KANK1: variants seen among roughly 807,000 people sequenced by gnomAD.
KANK1 encodes KN motif and ankyrin repeat domain-containing protein 1.
In KANK1, 109 loss-of-function variants were observed where a neutral mutation model predicts 106.2. The ratio of observed to expected loss-of-function variants is 1.03; its 90% CI spans 0.88 to 1.20. KANK1 has a LOEUF of 1.20. Among genes scored for constraint, KANK1 ranks in the 50% most tolerant of loss-of-function variants. The probability of loss-of-function intolerance (pLI) is 0.00; values close to 1 mark genes in which losing one functional copy is unlikely to be tolerated. For synonymous variants in KANK1, 873 were observed against 652.2 expected, an observed-to-expected ratio of 1.34 and a Z score of -5.16; for missense variants, 2,399 against 1,710.7, an observed-to-expected ratio of 1.40 and a Z score of -7.10.
intron 1 of KANK1, among the ~76,000 whole-genome samples, chr9:531,181 A>G (rs1360768292): frequency 3.3e-5 from 5 of 152,080 alleles, no homozygotes; most frequent in Non-Finnish European, 5.9e-5. Context: ...GTTCATGCCT[A>G]TAATCCCAGG....
At chr9:693,854 T>A in intron 2 of KANK1, 2 of 964,506 alleles carry the variant, frequency 2.1e-6, no homozygotes, top group Non-Finnish European at 2.5e-6. Context: ...GTTGGTGAAA[T>A]ATAAACTCGA....
intron 1 of KANK1, among the ~76,000 whole-genome samples, chr9:617,714 C>T (rs530467690): frequency 4.6e-5 from 7 of 152,318 alleles, no homozygotes; most frequent in African/African-American, 1.7e-4. Flanking sequence ...CAGTCTGCAC[C>T]TCTCTTCCTC....
intron 1 of KANK1, among the ~76,000 whole-genome samples, chr9:508,349 C>T (rs1403982471): frequency 6.6e-6 from 1 of 152,068 alleles, no homozygotes. Context: ...GTTGGTCAGG[C>T]TGGTCTCGAA....
intron 1 of KANK1, among the ~76,000 whole-genome samples, chr9:624,246 G>C (rs763575821): frequency 6.6e-6 from 1 of 152,156 alleles, no homozygotes; most frequent in African/African-American, 2.4e-5. Context: ...ACGGTGAGAT[G>C]CTGGTCAAAG....
At chr9:725,674 A>G (rs2131513187) in intron 3 of KANK1, among the ~76,000 whole-genome samples, 1 of 152,272 alleles carries the variant, frequency 6.6e-6, no homozygotes, top group South Asian at 2.1e-4. Context: ...CCCCCATCCC[A>G]GAACTGCAGA....
At chr9:481,295 C>CA (rs145031920) in intron 3 of KANK1, among the ~76,000 whole-genome samples, 43,390 of 150,448 alleles carry the variant, frequency 0.29, 6,781 homozygotes, top group East Asian at 0.52. Context: ...CAAAACAAAA[C>CA]AAAAAAAAAC....
intron 1 of KANK1, among the ~76,000 whole-genome samples, chr9:583,357 C>T (rs1822645877): frequency 6.6e-6 from 1 of 152,102 alleles, no homozygotes; most frequent in African/African-American, 2.4e-5. Flanking sequence ...CTTATTAAGT[C>T]CTCAGTAAGT....
intron 2 of KANK1, among the ~76,000 whole-genome samples, chr9:699,601 G>A (rs904434662): frequency 6.6e-6 from 1 of 152,276 alleles, no homozygotes. Context: ...AGGAGTACAC[G>A]AAGCAAGACC....
chr9:482,581 A>C (rs1269245820), intron 3 of KANK1, among the ~76,000 whole-genome samples: 1 of 152,196 alleles, frequency 6.6e-6, no homozygotes, highest in Non-Finnish European at 1.5e-5. Flanking sequence ...ACGGGCATGG[A>C]TTCAAACCCA....
intron 2 of KANK1, chr9:706,813 G>A (rs1016894333): frequency 6.1e-6 from 6 of 985,404 alleles, no homozygotes; most frequent in Middle Eastern, 5.2e-4. Context: ...GGCTGATTGT[G>A]CCTCTGCACC....
chr9:741,003 C>G, intron 9 of KANK1, 69 bp downstream of exon 9: 1 of 1,557,430 alleles, frequency 6.4e-7, no homozygotes, highest in South Asian at 1.2e-5. Context: ...GGTGGCCATT[C>G]TGGCAGAGCA....
In KANK1 at chr9:730,230, A is replaced by T. The variant is rs1456630054; in HGVS notation, c.2878A>T (p.Ile960Phe). 1 of 1,614,190 alleles carries T rather than the reference A, an allele frequency of 6.2e-7. No individual in the cohort carries two copies. Among genetic ancestry groups the T allele is most frequent in the Admixed American group, 1.7e-5 (1 of 60,024 alleles). Reference protein sequence around the residue: ...LSPVNLTDDQIAAGLYACTNN... With the variant: ...LSPVNLTDDQFAAGLYACTNN... Reference sequence around the variant, plus strand: ...TCCAGTGAACCTGACAGACGACCAGATCGCCGCTGGCCTCTATGGTAACTT... The same window carrying T: ...TCCAGTGAACCTGACAGACGACCAGTTCGCCGCTGGCCTCTATGGTAACTT... The change falls in exon 4 of 12, where the codon ATC (isoleucine) becomes TTC (phenylalanine). Residue 960 changes from isoleucine (I) to phenylalanine (F), a missense_variant. Physicochemically the swap from Ile to Phe is conservative, Grantham distance 21. Coordinates refer to ENST00000382297, the MANE Select transcript of KANK1 (RefSeq NM_015158.5).
rs145222530 is a variant in KANK1 at position 546,195 on chromosome 9, A to T, written c.-84+41441A>T. Among the ~76,000 whole-genome samples, 206 of 152,200 alleles carry T rather than the reference A, an allele frequency of 1.4e-3. 1 individual carries two copies. The highest frequency in any genetic ancestry group is 4.8e-3 in the African/African-American group (201 of 41,528). On this transcript the variant is annotated intron_variant, in intron 1 of 11. Transcript: ENST00000382297. Reference sequence around the variant, plus strand: ...GTTTAGTGTGCAGAATACACCTTCCATGCGTGGTGGCCTAGGATATATCTG... The same window carrying T: ...GTTTAGTGTGCAGAATACACCTTCCTTGCGTGGTGGCCTAGGATATATCTG...
intron 1 of KANK1, among the ~76,000 whole-genome samples, chr9:656,320 G>T (rs1842135953): frequency 6.6e-6 from 1 of 152,190 alleles, no homozygotes; most frequent in South Asian, 2.1e-4. Flanking sequence ...AGTCCCGTCT[G>T]TGGAATCTGT....
At chr9:557,632 G>T (rs780493802) in intron 1 of KANK1, among the ~76,000 whole-genome samples, 20 of 152,174 alleles carry the variant, frequency 1.3e-4, no homozygotes, top group Non-Finnish European at 2.8e-4. Flanking sequence ...TAGTAATGTA[G>T]AAGACAGATC....
intron 2 of KANK1, among the ~76,000 whole-genome samples, chr9:696,927 T>A (rs531074430): frequency 6.6e-6 from 1 of 152,300 alleles, no homozygotes; most frequent in East Asian, 1.9e-4. Context: ...TCGTGCACCC[T>A]AAGGACATTG....
intron 2 of KANK1, among the ~76,000 whole-genome samples, chr9:678,972 G>A (rs1588850490): frequency 6.6e-6 from 1 of 152,190 alleles, no homozygotes; most frequent in East Asian, 1.9e-4. Flanking sequence ...TTCTTCATGG[G>A]TTTAGATACC....
chr9:654,037 C>T (rs1194084465), intron 1 of KANK1, among the ~76,000 whole-genome samples: 2 of 152,152 alleles, frequency 1.3e-5, no homozygotes, highest in African/African-American at 4.8e-5. Flanking sequence ...ACATGAAAGA[C>T]ACAAACTGAG....
chr9:560,843 A>G (rs1399590769), intron 1 of KANK1, among the ~76,000 whole-genome samples: 1 of 152,164 alleles, frequency 6.6e-6, no homozygotes, highest in Non-Finnish European at 1.5e-5. Flanking sequence ...ATTAAGCTCT[A>G]CTGAATGCAG....
Sources: gnomAD v4.1 joint callset for allele counts (sites outside exome capture counted in the v4.1 genomes callset) on GRCh38, gnomAD v4.1.1 for gene constraint, MANE v1.5 for transcripts, NCBI Gene and HGNC (gene_info 2026-07-23, HGNC 2026-07-21) for gene names.